Variants in CYP2C19 observed in about 807,000 individuals in gnomAD.
CYP2C19 encodes the protein cytochrome P450 family 2 subfamily C member 19, also known as cytochrome P450 2C19.
A neutral mutation model predicts 40.9 loss-of-function variants in CYP2C19; 59 were observed. The observed-to-expected ratio is 1.44, with a 90% CI of 1.17 to 1.79. The LOEUF is 1.79. Ranked by LOEUF, CYP2C19 falls within the 40% of genes most tolerant of loss-of-function variation. CYP2C19 has a pLI of 0.00. For synonymous variants in CYP2C19, 253 were observed against 208.7 expected, an observed-to-expected ratio of 1.21 and a Z score of -1.83; for missense variants, 754 against 596.9, an observed-to-expected ratio of 1.26 and a Z score of -2.74.
At chr10:94,773,012 A>T (rs1457224531) in intron 1 of CYP2C19, among the ~76,000 whole-genome samples, 1 of 151,538 alleles carries the variant, frequency 6.6e-6, no homozygotes, top group Non-Finnish European at 1.5e-5. Context: ...CGATCTGCTG[A>T]CCTCATGATC....
At chr10:94,779,123 G>T (rs991314726) in intron 3 of CYP2C19, among the ~76,000 whole-genome samples, 2 of 152,048 alleles carry the variant, frequency 1.3e-5, no homozygotes, top group Non-Finnish European at 2.9e-5. Flanking sequence ...AGGGGTTGGG[G>T]GGCAAGGGGA....
At chr10:94,832,644 A>G (rs1318495679) in intron 6 of CYP2C19, among the ~76,000 whole-genome samples, 2 of 152,156 alleles carry the variant, frequency 1.3e-5, no homozygotes, top group African/African-American at 2.4e-5. Context: ...TGTCAGTACC[A>G]TGCTGTTTTT....
At chr10:94,795,949 G>C (rs1848679716) in intron 5 of CYP2C19, among the ~76,000 whole-genome samples, 1 of 152,056 alleles carries the variant, frequency 6.6e-6, no homozygotes, top group Non-Finnish European at 1.5e-5. Flanking sequence ...TCTGTAGGTT[G>C]CCTATTCACT....
rs185190969 is a variant in CYP2C19, at chr10:94,795,399, A to G, written c.819+13402A>G. Among the ~76,000 whole-genome samples, 168 of 152,038 alleles carry G rather than the reference A, an allele frequency of 1.1e-3. 4 individuals are homozygous for G. The East Asian group carries it at 0.029, about 27-fold the overall frequency. ...GTGCCACATTTTCTTAATCCAGTCT[A>G]TCATTGATGGACATTTGGGTTGGTT... On this transcript the variant is annotated intron_variant, in intron 5 of 8. Coordinates refer to ENST00000371321, the MANE Select transcript of CYP2C19 (RefSeq NM_000769.4).
chr10:94,791,176 T>TATAGA (rs1233348123), intron 5 of CYP2C19, among the ~76,000 whole-genome samples: 1 of 152,178 alleles, frequency 6.6e-6, no homozygotes, highest in African/African-American at 2.4e-5. Context: ...TAGTAATCTC[T>TATAGA]GATGGTAGTT....
intron 1 of CYP2C19, among the ~76,000 whole-genome samples, chr10:94,763,366 T>C (rs1413894535): frequency 6.6e-6 from 1 of 152,190 alleles, no homozygotes; most frequent in Admixed American, 6.5e-5. Context: ...TAAGAAGTTA[T>C]AGACTTCAAT....
intron 5 of CYP2C19, among the ~76,000 whole-genome samples, chr10:94,798,155 G>A (rs1848714303): frequency 6.6e-6 from 1 of 152,068 alleles, no homozygotes; most frequent in Non-Finnish European, 1.5e-5. Context: ...TCTACACACT[G>A]CTTTAAATGT....
At chr10:94,801,622 C>T (rs1848766680) in intron 5 of CYP2C19, among the ~76,000 whole-genome samples, 1 of 152,146 alleles carries the variant, frequency 6.6e-6, no homozygotes, top group Non-Finnish European at 1.5e-5. Flanking sequence ...TAGTCCAGAG[C>T]TGTGTTCAAG....
rs545260856 is a variant in CYP2C19 at position 94,802,421 on chromosome 10, C to T, written c.820-18075C>T. Reference sequence around the variant, plus strand: ...GGATTGCAACCCCTGCTTTTTATTGCTTTCTATCTGCTTGGTAAATCTTCC... The same window carrying T: ...GGATTGCAACCCCTGCTTTTTATTGTTTTCTATCTGCTTGGTAAATCTTCC... On this transcript the variant is annotated intron_variant, in intron 5 of 8. Coordinates refer to ENST00000371321, the MANE Select transcript of CYP2C19 (RefSeq NM_000769.4). 1.1e-4 allele frequency among the ~76,000 whole-genome samples: 16 copies of T among 152,068 alleles called. No homozygotes were observed. In the East Asian group the frequency reaches 3.1e-3, roughly 29 times the overall value.
Position 94,852,833 on chromosome 10 carries a change from A to G in CYP2C19, c.1392A>G (p.Pro464=). ...TTAACCTGAAATCTCTGATTGACCC[A>G]AAGGACCTTGACACAACTCCTGTTG... is the stretch of plus-strand genomic sequence containing the variant. The part of the protein sequence containing the change: ...QNFNLKSLID[P]KDLDTTPVVN... The change falls in exon 9 of 9, where the codon CCA becomes CCG. Residue 464 remains proline, a synonymous_variant. Coordinates refer to ENST00000371321, the MANE Select transcript of CYP2C19 (RefSeq NM_000769.4). The G allele has an allele frequency of 1.2e-6, 2 of 1,614,052 alleles. No homozygotes were observed. Among genetic ancestry groups the G allele is most frequent in the Admixed American group, 1.7e-5 (1 of 59,988 alleles).
At position 94,838,532 on chromosome 10, in the gene CYP2C19, C is replaced by T. The variant is rs563525314; in HGVS notation, c.962-4305C>T. 2.0e-5 allele frequency among the ~76,000 whole-genome samples: 3 copies of T among 152,284 alleles called. No homozygotes were observed. The South Asian group carries it at 6.2e-4, about 32-fold the overall frequency. On this transcript the variant is annotated intron_variant, in intron 6 of 8. Transcript: ENST00000371321. The stretch of plus-strand genomic sequence containing the variant: ...TCTGAGAGAGAAAAAGGTACATGCA[C>T]TCTGGCTGGGCCGAATTCTCCTCCT...
intron 5 of CYP2C19, among the ~76,000 whole-genome samples, chr10:94,796,026 G>T (rs932799222): frequency 2.0e-5 from 3 of 151,992 alleles, no homozygotes; most frequent in Non-Finnish European, 2.9e-5. Context: ...GTCAATTTTG[G>T]CTTTTGTTGC....
Position 94,820,405 on chromosome 10 carries a change from G to A in CYP2C19, c.820-91G>A. ...TACTATACTTTACAGTTTCTATGTT[G>A]GTAAGTATACAATGTGAGTAATTTT... On this transcript the variant is annotated intron_variant, in intron 5 of 8. Coordinates refer to ENST00000371321, the MANE Select transcript of CYP2C19 (RefSeq NM_000769.4). 2.1e-6 allele frequency: 3 copies of A among 1,421,098 alleles called. No individual in the cohort carries two copies. The South Asian group carries it at 3.5e-5, about 17-fold the overall frequency. 88.0% of individuals were successfully genotyped at this position (1,421,098 alleles called of 1,614,324 possible).
chr10:94,805,176 A>G (rs192913870), intron 5 of CYP2C19, among the ~76,000 whole-genome samples: 1 of 152,024 alleles, frequency 6.6e-6, no homozygotes, highest in Non-Finnish European at 1.5e-5. Flanking sequence ...TTCAAAATTT[A>G]GTATGCCTTA....
At chr10:94,788,473 C>A (rs1016450803) in intron 5 of CYP2C19, among the ~76,000 whole-genome samples, 1 of 152,052 alleles carries the variant, frequency 6.6e-6, no homozygotes, top group Non-Finnish European at 1.5e-5. Context: ...GGTATATACG[C>A]ACCATGGTGG....
At chr10:94,826,231 CT>C (rs1488288097) in intron 6 of CYP2C19, among the ~76,000 whole-genome samples, 1 of 151,984 alleles carries the variant, frequency 6.6e-6, no homozygotes, top group Non-Finnish European at 1.5e-5. Context: ...GGCATTGAAT[CT>C]GTAAATTACC....
chr10:94,794,260 T>G (rs966924192), intron 5 of CYP2C19, among the ~76,000 whole-genome samples: 1 of 152,110 alleles, frequency 6.6e-6, no homozygotes, highest in Admixed American at 6.5e-5. Context: ...CCATCTGTCA[T>G]GGCTTTCCTT....
chr10:94,805,466 T>C (rs192968561), intron 5 of CYP2C19, among the ~76,000 whole-genome samples: 13 of 152,350 alleles, frequency 8.5e-5, no homozygotes, highest in Admixed American at 8.5e-4. Flanking sequence ...AAAGTTTCTG[T>C]ATTAATCATT....
intron 8 of CYP2C19, 31 bp downstream of exon 8, chr10:94,850,089 A>C (rs1049058029): frequency 1.2e-6 from 2 of 1,612,004 alleles, no homozygotes; most frequent in Non-Finnish European, 1.7e-6. Flanking sequence ...TTTGTGTTTC[A>C]GGGTACAAGA....
Sources: gnomAD v4.1 joint callset for allele counts (sites outside exome capture counted in the v4.1 genomes callset) on GRCh38, gnomAD v4.1.1 for gene constraint, MANE v1.5 for transcripts, NCBI Gene and HGNC (gene_info 2026-07-23, HGNC 2026-07-21) for gene names.